Variants in CPNE4 observed in about 807,000 individuals in gnomAD.
The protein encoded by CPNE4 is copine-4.
Under a neutral mutation model 67.9 loss-of-function variants are expected in CPNE4, and 25 were observed. That is an observed-to-expected ratio of 0.37 (90% CI 0.27 to 0.51). The LOEUF is 0.51. Among genes scored for constraint, CPNE4 ranks in the 20% least tolerant of loss-of-function variants. The pLI is 0.93. For synonymous variants in CPNE4, 242 were observed against 244.9 expected (o/e 0.99, Z 0.11); for missense variants, 464 against 690.8 (o/e 0.67, Z 3.68).
intron 1 of CPNE4, among the ~76,000 whole-genome samples, chr3:132,001,526 G>C (rs370545989): frequency 7.0e-6 from 1 of 143,720 alleles, no homozygotes; most frequent in African/African-American, 2.6e-5. Context: ...GAGAGAGAGA[G>C]AGAGAAAGAA....
At chr3:131,704,596 C>T (rs79645505) in intron 3 of CPNE4, among the ~76,000 whole-genome samples, 3,872 of 152,244 alleles carry the variant, frequency 0.025, 114 homozygotes, top group African/African-American at 0.074. Flanking sequence ...TCTACTTACC[C>T]TCCAATGCTT....
chr3:131,553,088 A>G (rs1399188861), intron 12 of CPNE4, among the ~76,000 whole-genome samples: 1 of 152,100 alleles, frequency 6.6e-6, no homozygotes, highest in Non-Finnish European at 1.5e-5. Flanking sequence ...AAATTCCTCT[A>G]CCTGGCAGAA....
chr3:131,986,711 A>G (rs888298641), intron 1 of CPNE4, among the ~76,000 whole-genome samples: 1 of 152,078 alleles, frequency 6.6e-6, no homozygotes. Flanking sequence ...CCTAGCTAAC[A>G]TGGTGAAACC....
At chr3:131,727,320 CGCAGTG>C (rs1291193844) in intron 2 of CPNE4, among the ~76,000 whole-genome samples, 1 of 152,008 alleles carries the variant, frequency 6.6e-6, no homozygotes, top group East Asian at 1.9e-4. Context: ...CACGGCCAGG[CGCAGTG>C]GCTCAAGCCT....
At chr3:131,591,545 G>A (rs899308358) in intron 7 of CPNE4, among the ~76,000 whole-genome samples, 1 of 152,186 alleles carries the variant, frequency 6.6e-6, no homozygotes, top group African/African-American at 2.4e-5. Flanking sequence ...GGGCAGAAAG[G>A]GAGTGACCAG....
chr3:131,688,261 C>T (rs1194727827), intron 5 of CPNE4, among the ~76,000 whole-genome samples: 3 of 152,172 alleles, frequency 2.0e-5, no homozygotes, highest in South Asian at 2.1e-4. Flanking sequence ...GAGTCTGGAA[C>T]ATCCGCTACT....
chr3:131,610,080 C>T (rs972130346), intron 7 of CPNE4, among the ~76,000 whole-genome samples: 8 of 152,076 alleles, frequency 5.3e-5, no homozygotes, highest in Non-Finnish European at 1.2e-4. Flanking sequence ...AATACTTCCA[C>T]CAAACAAACT....
At chr3:132,029,444 G>A (rs1002662260) in intron 1 of CPNE4, among the ~76,000 whole-genome samples, 18 of 152,212 alleles carry the variant, frequency 1.2e-4, no homozygotes, top group Middle Eastern at 3.4e-3. Flanking sequence ...TATGGGTCCC[G>A]GAGGTTGACT....
At chr3:131,605,828 A>G (rs572167942) in intron 7 of CPNE4, among the ~76,000 whole-genome samples, 1 of 152,296 alleles carries the variant, frequency 6.6e-6, no homozygotes, top group South Asian at 2.1e-4. Context: ...CTTTTGGTTA[A>G]CGTCATTGAA....
At chr3:131,956,227 T>C (rs924451296) in intron 1 of CPNE4, among the ~76,000 whole-genome samples, 4 of 152,332 alleles carry the variant, frequency 2.6e-5, no homozygotes, top group Non-Finnish European at 4.4e-5. Context: ...TATCTATAAA[T>C]TAGAGTTGAT....
intron 12 of CPNE4, among the ~76,000 whole-genome samples, chr3:131,554,942 C>T (rs1013482309): frequency 1.3e-5 from 2 of 152,056 alleles, no homozygotes; most frequent in African/African-American, 2.4e-5. Context: ...ACAATCTTTG[C>T]CTTTTTTCTG....
chr3:131,690,686 T>C (rs7619962), intron 5 of CPNE4, among the ~76,000 whole-genome samples: 122,632 of 151,734 alleles, frequency 0.81, 49,756 homozygotes, highest in Middle Eastern at 0.91. Context: ...TAACAAAGAA[T>C]ATTGACAAGT....
intron 7 of CPNE4, among the ~76,000 whole-genome samples, chr3:131,654,216 A>T (rs755390458): frequency 6.6e-6 from 1 of 151,288 alleles, no homozygotes; most frequent in East Asian, 1.9e-4. Context: ...TTTTTTCCCT[A>T]CCTAAGATTA....
chr3:131,767,363 T>A (rs2083047658), intron 2 of CPNE4, among the ~76,000 whole-genome samples: 1 of 152,060 alleles, frequency 6.6e-6, no homozygotes, highest in African/African-American at 2.4e-5. Context: ...TATTGAGACA[T>A]CTATTTAGAG....
rs563578992 is a variant in CPNE4, at chr3:131,802,687, C to T, written c.181-79062G>A. Among the ~76,000 whole-genome samples the T allele has an allele frequency of 6.6e-5, 10 of 152,322 alleles. No individual in the cohort carries two copies. The East Asian group carries it at 9.6e-4, about 15-fold the overall frequency. On this transcript the variant is annotated intron_variant, in intron 2 of 15. Transcript: ENST00000429747. ...CAGACATCTAAGCTGAGACCCTTAG[C>T]ATCATCCTCAAAGCACAAAATGTTC...
chr3:131,949,652 T>C (rs1156397444), intron 1 of CPNE4, among the ~76,000 whole-genome samples: 1 of 152,174 alleles, frequency 6.6e-6, no homozygotes, highest in Non-Finnish European at 1.5e-5. Context: ...AGTTCTACCT[T>C]ATGAAATAAG....
At chr3:131,671,272 T>C (rs1159721287) in intron 6 of CPNE4, among the ~76,000 whole-genome samples, 2 of 152,108 alleles carry the variant, frequency 1.3e-5, no homozygotes, top group East Asian at 3.8e-4. Context: ...ACACTTAGGA[T>C]GATTAAAATG....
chr3:131,725,769 T>A (rs1454440102), intron 2 of CPNE4, among the ~76,000 whole-genome samples: 2 of 152,228 alleles, frequency 1.3e-5, no homozygotes, highest in Admixed American at 6.5e-5. Context: ...AAGGTAGCTG[T>A]TTTTATTACC....
chr3:132,011,325 A>G (rs1048259556), intron 1 of CPNE4, among the ~76,000 whole-genome samples: 4 of 152,214 alleles, frequency 2.6e-5, no homozygotes, highest in Non-Finnish European at 5.9e-5. Flanking sequence ...GATTAACTAC[A>G]TATGGAAAAC....
Sources: gnomAD v4.1 joint callset for allele counts (sites outside exome capture counted in the v4.1 genomes callset) on GRCh38, gnomAD v4.1.1 for gene constraint, MANE v1.5 for transcripts, NCBI Gene and HGNC (gene_info 2026-07-23, HGNC 2026-07-21) for gene names.